The following RFC3 variants were observed in gnomAD, a reference collection of about 807,000 sequenced individuals.
The protein encoded by RFC3 is A1 38 kDa subunit.
In RFC3, 41 loss-of-function variants were observed where a neutral mutation model predicts 45.1. That is an observed-to-expected ratio of 0.91 (90% CI 0.71 to 1.18). The LOEUF (loss-of-function observed/expected upper bound fraction) is 1.18. Ranked by LOEUF, RFC3 falls within the 50% of genes most tolerant of loss-of-function variation. The probability of loss-of-function intolerance (pLI) is 0.00; values close to 1 mark genes in which losing one functional copy is unlikely to be tolerated. For missense variants in RFC3, 423 were observed against 428.1 expected (o/e 0.99, Z 0.10); for synonymous variants, 149 against 144.0 (o/e 1.03, Z -0.25).
At chr13:33,934,034 A>C (rs977621163) in intron 8 of RFC3, among the ~76,000 whole-genome samples, 11 of 152,138 alleles carry the variant, frequency 7.2e-5, no homozygotes, top group Non-Finnish European at 1.2e-4. Flanking sequence ...AAGAAAGGAA[A>C]GAGAAATTAA....
At chr13:33,942,779 G>C (rs2082932905) in intron 8 of RFC3, among the ~76,000 whole-genome samples, 1 of 152,034 alleles carries the variant, frequency 6.6e-6, no homozygotes, top group Non-Finnish European at 1.5e-5. Flanking sequence ...CACGTTAGCT[G>C]TATACTTGTA....
rs770323339 is a variant in RFC3, at chr13:33,825,755, G to T, written c.294-34G>T. On this transcript the variant is annotated intron_variant, in intron 3 of 8. Transcript: ENST00000380071. Reference sequence around the variant, plus strand: ...TTTTCTTATAATAACAATATTAAGGGCATACTATATACCATTATTTTTGTT... The same window carrying T: ...TTTTCTTATAATAACAATATTAAGGTCATACTATATACCATTATTTTTGTT... The T allele has an allele frequency of 4.1e-6, 5 of 1,220,094 alleles. No individual in the cohort carries two copies. In the African/African-American group the frequency reaches 6.2e-5, roughly 15 times the overall value. The allele number at this position is 1,220,094 out of a possible 1,614,324, so 75.6% of individuals were successfully genotyped here.
intron 8 of RFC3, among the ~76,000 whole-genome samples, chr13:33,909,688 G>C (rs575089529): frequency 6.6e-6 from 1 of 152,142 alleles, no homozygotes; most frequent in Non-Finnish European, 1.5e-5. Context: ...GAAGGTGAAG[G>C]CGTCATCTCC....
At chr13:33,899,222 A>AAAAAAAAAAAAAAT (rs1411421473) in intron 8 of RFC3, among the ~76,000 whole-genome samples, 1 of 149,168 alleles carries the variant, frequency 6.7e-6, no homozygotes, top group African/African-American at 2.4e-5. Flanking sequence ...AAAAAAAAAA[A>AAAAAAAAAAAAAAT]AAAAAAAGAA....
At chr13:33,959,661 G>A (rs1286228104) in intron 8 of RFC3, among the ~76,000 whole-genome samples, 1 of 152,142 alleles carries the variant, frequency 6.6e-6, no homozygotes, top group African/African-American at 2.4e-5. Flanking sequence ...CCACCAGACA[G>A]TGATCTCTGG....
At chr13:33,923,041 A>G (rs1217232371) in intron 8 of RFC3, among the ~76,000 whole-genome samples, 1 of 152,154 alleles carries the variant, frequency 6.6e-6, no homozygotes, top group Non-Finnish European at 1.5e-5. Context: ...TTAAGAACAC[A>G]TTAGGAAAAG....
intron 2 of RFC3, among the ~76,000 whole-genome samples, chr13:33,823,510 G>A (rs1309510182): frequency 6.6e-6 from 1 of 152,076 alleles, no homozygotes. Context: ...ACAGAGACGT[G>A]TATGATTTCC....
Position 33,836,869 on chromosome 13 carries a change from C to T in RFC3, c.*574C>T. 4 of 984,516 alleles carry T rather than the reference C, an allele frequency of 4.1e-6. No individual in the cohort carries two copies. Among genetic ancestry groups the T allele is most frequent in the Non-Finnish European group, 4.8e-6 (4 of 829,216 alleles). 61.0% of individuals were successfully genotyped at this position (984,516 alleles called of 1,614,324 possible). ...GGTTCAGATTAGTATTAGGTCGGTACTAAGAAATAAGCATGTTTTCACTAA... is the reference window on the plus strand; with the variant it reads ...GGTTCAGATTAGTATTAGGTCGGTATTAAGAAATAAGCATGTTTTCACTAA... On this transcript the variant is annotated 3_prime_UTR_variant, in exon 9 of 9. Transcript: ENST00000380071.
intron 8 of RFC3, among the ~76,000 whole-genome samples, chr13:33,959,201 C>T (rs2083041023): frequency 6.6e-6 from 1 of 152,162 alleles, no homozygotes. Flanking sequence ...AAGCCACCTC[C>T]ACCCTGTGGT....
At chr13:33,818,333 G>A (rs2081967594) in intron 1 of RFC3, 68 bp downstream of exon 1, 1 of 1,288,044 alleles carries the variant, frequency 7.8e-7, no homozygotes, top group Admixed American at 1.8e-5. Flanking sequence ...GCGCCCCCCT[G>A]AGGAGCAGTG....
At chr13:33,975,872 G>T in the RFC3 span, among the ~76,000 whole-genome samples, 2 of 152,194 alleles carry the variant, frequency 1.3e-5, no homozygotes, top group South Asian at 2.1e-4. Flanking sequence ...TGCTCTGTCA[G>T]CAGAGGGGGC....
At chr13:33,891,401 T>G (rs1459339455) in intron 8 of RFC3, among the ~76,000 whole-genome samples, 1 of 152,114 alleles carries the variant, frequency 6.6e-6, no homozygotes, top group Non-Finnish European at 1.5e-5. Flanking sequence ...AAGTCACAAG[T>G]CATATAACAA....
At chr13:33,955,672 C>G (rs2083017747) in intron 8 of RFC3, among the ~76,000 whole-genome samples, 1 of 152,162 alleles carries the variant, frequency 6.6e-6, no homozygotes, top group South Asian at 2.1e-4. Context: ...AGTGATTGAA[C>G]TTAAACATGA....
chr13:33,895,118 C>T (rs1308167184), intron 8 of RFC3, among the ~76,000 whole-genome samples: 1 of 149,544 alleles, frequency 6.7e-6, no homozygotes, highest in Non-Finnish European at 1.5e-5. Flanking sequence ...ATTAGAACCC[C>T]AAAAGCCAAT....
intron 8 of RFC3, among the ~76,000 whole-genome samples, chr13:33,920,616 G>A (rs1453697948): frequency 1.3e-5 from 2 of 151,640 alleles, no homozygotes; most frequent in Non-Finnish European, 2.9e-5. Context: ...TTTTTGTAGA[G>A]ATTGAGGGGG....
At chr13:33,858,761 G>T (rs927703667) in intron 8 of RFC3, among the ~76,000 whole-genome samples, 13 of 152,120 alleles carry the variant, frequency 8.5e-5, no homozygotes, top group African/African-American at 3.1e-4. Context: ...AGCTATCTCT[G>T]TTCTATCCAT....
intron 8 of RFC3, among the ~76,000 whole-genome samples, chr13:33,951,474 G>A (rs975926638): frequency 1.3e-5 from 2 of 151,930 alleles, no homozygotes; most frequent in African/African-American, 2.4e-5. Flanking sequence ...CTCATGATCC[G>A]CTGGCCTTGG....
chr13:33,920,833 T>C (rs953223909), intron 8 of RFC3, among the ~76,000 whole-genome samples: 1 of 152,096 alleles, frequency 6.6e-6, no homozygotes, highest in Non-Finnish European at 1.5e-5. Context: ...TGGTAGCATG[T>C]CTTTATCTTA....
At chr13:33,865,278 A>T (rs2082366173) in intron 8 of RFC3, among the ~76,000 whole-genome samples, 1 of 152,180 alleles carries the variant, frequency 6.6e-6, no homozygotes, top group Non-Finnish European at 1.5e-5. Flanking sequence ...GGAAATTGGG[A>T]AAGTAAGGGG....
Sources: gnomAD v4.1 joint callset for allele counts (sites outside exome capture counted in the v4.1 genomes callset) on GRCh38, gnomAD v4.1.1 for gene constraint, MANE v1.5 for transcripts, NCBI Gene and HGNC (gene_info 2026-07-23, HGNC 2026-07-21) for gene names.